The following FAM170A variants were observed in gnomAD, a reference collection of about 807,000 sequenced individuals.
FAM170A encodes protein FAM170A.
A neutral mutation model predicts 36.6 loss-of-function variants in FAM170A; 28 were observed. The observed-to-expected ratio is 0.76, with a 90% confidence interval of 0.57 to 1.05. The LOEUF is 1.05. Among genes scored for constraint, FAM170A ranks in the 50% least tolerant of loss-of-function variants. The pLI is 0.00. For synonymous variants in FAM170A, 156 were observed against 143.9 expected (o/e 1.08, Z -0.60); for missense variants, 434 against 396.5 (o/e 1.09, Z -0.80).
At chr5:119,629,732 C>T in exon 1 of FAM170A, 3 of 1,533,350 alleles carry the variant, frequency 2.0e-6, no homozygotes, top group Non-Finnish European at 1.8e-6. Flanking sequence ...GGGAGGTGGA[C>T]ATTAAGCATC....
At chr5:119,633,876 C>A in intron 2 of FAM170A, 84 bp from the exon 3 acceptor site, 1 of 1,519,414 alleles carries the variant, frequency 6.6e-7, no homozygotes, top group Non-Finnish European at 8.9e-7. Flanking sequence ...TCCCTGTCTC[C>A]TGCACCACAC....
At chr5:119,633,787 C>T (rs111947408) in intron 2 of FAM170A, among the ~76,000 whole-genome samples, 173 bp from the exon 3 acceptor site, 61 of 152,264 alleles carry the variant, frequency 4.0e-4, no homozygotes, top group African/African-American at 1.1e-3. Flanking sequence ...CATCCCTACA[C>T]GCAAATGACA....
exon 1 of FAM170A, chr5:119,629,773 A>G (rs1412688362): frequency 5.0e-6 from 8 of 1,612,570 alleles, no homozygotes; most frequent in Non-Finnish European, 6.8e-6. Context: ...GATATCATGA[A>G]ACGACGACAA....
At chr5:119,630,197 C>T (rs1205449494) in intron 1 of FAM170A, among the ~76,000 whole-genome samples, 1 of 142,058 alleles carries the variant, frequency 7.0e-6, no homozygotes, top group African/African-American at 2.6e-5. Flanking sequence ...CTCTGTCGCC[C>T]AGGCTGGAGT....
At chr5:119,634,632 A>T in exon 3 of FAM170A, 1 of 1,611,016 alleles carries the variant, frequency 6.2e-7, no homozygotes, top group South Asian at 1.1e-5. Context: ...GAGAAACCAG[A>T]AGCAAAGGAG....
chr5:119,630,000 T>A (rs1484204237), intron 1 of FAM170A, among the ~76,000 whole-genome samples, 162 bp downstream of exon 1: 9 of 148,888 alleles, frequency 6.0e-5, no homozygotes, highest in South Asian at 2.2e-4. Context: ...CACGCCATTC[T>A]CCTGCCTCAG....
At chr5:119,633,563 C>A (rs538343445) in intron 2 of FAM170A, among the ~76,000 whole-genome samples, 2 of 152,166 alleles carry the variant, frequency 1.3e-5, no homozygotes, top group African/African-American at 4.8e-5. Context: ...ACACATACAG[C>A]CACACGCTCC....
chr5:119,633,757 G>A (rs328695), intron 2 of FAM170A, among the ~76,000 whole-genome samples: 105,826 of 151,710 alleles, frequency 0.7, 37,057 homozygotes, highest in South Asian at 0.77. Context: ...CCACACCCCT[G>A]TATATGGACA....
intron 3 of FAM170A, 139 bp from the exon 4 acceptor site, chr5:119,634,889 T>G (rs1008092388): frequency 2.4e-6 from 3 of 1,274,754 alleles, no homozygotes; most frequent in Non-Finnish European, 3.3e-6. Flanking sequence ...GGATCCCTGC[T>G]TCTTGCCTAG....
At chr5:119,634,993 A>G (rs1470316815) in intron 3 of FAM170A, 35 bp from the exon 4 acceptor site, 2 of 1,613,546 alleles carry the variant, frequency 1.2e-6, no homozygotes, top group Non-Finnish European at 1.7e-6. Flanking sequence ...CGCATTAACT[A>G]AGAAGTGTCT....
chr5:119,633,982 C>T (rs749246035), exon 3 of FAM170A: 1 of 1,612,244 alleles, frequency 6.2e-7, no homozygotes, highest in South Asian at 1.1e-5. Flanking sequence ...TACATCGAGA[C>T]AGCCCCCAGC....
At chr5:119,630,706 G>A (rs1169249030) in intron 1 of FAM170A, among the ~76,000 whole-genome samples, 2 of 152,116 alleles carry the variant, frequency 1.3e-5, no homozygotes, top group East Asian at 1.9e-4. Flanking sequence ...GCAGGCGGGG[G>A]ACCCACTTAC....
intron 4 of FAM170A, among the ~76,000 whole-genome samples, 199 bp from the exon 5 acceptor site, chr5:119,635,501 C>T (rs934212469): frequency 3.3e-5 from 5 of 152,194 alleles, no homozygotes; most frequent in African/African-American, 9.7e-5. Flanking sequence ...GGAGAGGTAA[C>T]AACATCATCC....
chr5:119,630,147 T>C (rs1756213453), intron 1 of FAM170A, among the ~76,000 whole-genome samples: 3 of 53,644 alleles, frequency 5.6e-5, no homozygotes, highest in African/African-American at 1.1e-4. Flanking sequence ...TGCCTCGGCC[T>C]CCTTTTTTTT....
exon 1 of FAM170A, chr5:119,629,727 G>T (rs751158611): frequency 2.7e-6 from 4 of 1,497,854 alleles, no homozygotes; most frequent in Non-Finnish European, 3.7e-6. Context: ...AAAGTGGGAG[G>T]TGGACATTAA....
At chr5:119,634,462 C>T (rs753057006) in exon 3 of FAM170A, 3 of 1,614,202 alleles carry the variant, frequency 1.9e-6, no homozygotes, top group Admixed American at 3.3e-5. Flanking sequence ...GGGTGTTCAC[C>T]ACCATGGAAG....
chr5:119,632,662 C>A, intron 1 of FAM170A, 86 bp from the exon 2 acceptor site: 1 of 1,309,136 alleles, frequency 7.6e-7, no homozygotes, highest in Non-Finnish European at 1.0e-6. Flanking sequence ...CATAGGTCAG[C>A]CACTCAGTAA....
At chr5:119,635,169 T>G in intron 4 of FAM170A, 83 bp downstream of exon 4, 1 of 941,930 alleles carries the variant, frequency 1.1e-6, no homozygotes, top group Non-Finnish European at 1.7e-6. Context: ...AGGGATGCAC[T>G]GGGTCACCTG....
chr5:119,634,237 T>G (rs1326942043), exon 3 of FAM170A: 5 of 1,614,208 alleles, frequency 3.1e-6, no homozygotes, highest in East Asian at 2.2e-5. Flanking sequence ...AAGTGACCCT[T>G]TCTGAGGTTG....
Sources: allele counts gnomAD v4.1 joint callset (sites outside exome capture counted in the v4.1 genomes callset), GRCh38; gene constraint gnomAD v4.1.1; transcripts MANE v1.5; gene names NCBI Gene and HGNC (gene_info 2026-07-23, HGNC 2026-07-21).